Variants in MSI2 observed in about 807,000 individuals in gnomAD.
MSI2 encodes the protein musashi RNA binding protein 2, also known as RNA-binding protein Musashi homolog 2.
Under a neutral mutation model 45.6 loss-of-function variants are expected in MSI2, and 17 were observed. The observed-to-expected ratio is 0.37, with a 90% CI of 0.26 to 0.56. The LOEUF is 0.56. MSI2 is among the 20% of genes least tolerant of loss of function. The pLI, the probability that MSI2 is intolerant of heterozygous loss-of-function variation, is 0.77. For missense variants in MSI2, 293 were observed against 444.2 expected (o/e 0.66, Z 3.06); for synonymous variants, 156 against 158.2 (o/e 0.99, Z 0.11).
At chr17:57,509,508 C>T (rs897257854) in intron 6 of MSI2, among the ~76,000 whole-genome samples, 1 of 152,272 alleles carries the variant, frequency 6.6e-6, no homozygotes. Context: ...GCAACCTCCG[C>T]CTCCCGGGTT....
chr17:57,290,485 A>T (rs925597888), intron 5 of MSI2, among the ~76,000 whole-genome samples: 3 of 152,124 alleles, frequency 2.0e-5, no homozygotes, highest in Non-Finnish European at 2.9e-5. Context: ...ATTTTTAAAA[A>T]TTTTTTGTAG....
rs557095571 is a variant in MSI2, at chr17:57,301,688, C to T, written c.312+39496C>T. ...GTAGCGTGTTCATTGAATGAATGGG[C>T]CACCCCTTGTCTTTTCTTCTTTTAA... On this transcript the variant is annotated intron_variant, in intron 5 of 13. Coordinates refer to ENST00000284073, the MANE Select transcript of MSI2 (RefSeq NM_138962.4). Among the ~76,000 whole-genome samples the T allele has an allele frequency of 6.6e-5, 10 of 152,072 alleles. No individual in the cohort carries two copies. In the East Asian group the frequency reaches 1.9e-3, roughly 29 times the overall value.
intron 6 of MSI2, among the ~76,000 whole-genome samples, chr17:57,432,427 TG>T (rs1308124435): frequency 6.6e-6 from 1 of 152,208 alleles, no homozygotes; most frequent in Non-Finnish European, 1.5e-5. Flanking sequence ...GCATTGGGGT[TG>T]GGTTTTTAGG....
intron 5 of MSI2, among the ~76,000 whole-genome samples, chr17:57,377,218 C>T (rs904319269): frequency 6.6e-6 from 1 of 152,198 alleles, no homozygotes; most frequent in Non-Finnish European, 1.5e-5. Flanking sequence ...CCGTGCCCGG[C>T]CCACAAATAC....
At chr17:57,499,284 G>A (rs2086047412) in intron 6 of MSI2, among the ~76,000 whole-genome samples, 1 of 151,146 alleles carries the variant, frequency 6.6e-6, no homozygotes, top group Middle Eastern at 3.4e-3. Flanking sequence ...GCTGAGGCAG[G>A]AGAATTGCTT....
intron 5 of MSI2, among the ~76,000 whole-genome samples, chr17:57,285,391 A>G (rs1175522213): frequency 6.6e-6 from 1 of 152,236 alleles, no homozygotes; most frequent in African/African-American, 2.4e-5. Context: ...GGAAGTTTGC[A>G]GAGGGCCCTT....
chr17:57,487,927 G>T (rs148150854), intron 6 of MSI2, among the ~76,000 whole-genome samples: 1 of 151,680 alleles, frequency 6.6e-6, no homozygotes, highest in Non-Finnish European at 1.5e-5. Context: ...CACACAGCCC[G>T]GTGCTTTATG....
intron 5 of MSI2, among the ~76,000 whole-genome samples, chr17:57,365,624 C>G (rs1357374313): frequency 6.6e-6 from 1 of 152,044 alleles, no homozygotes; most frequent in Non-Finnish European, 1.5e-5. Context: ...ATGGGAGGAG[C>G]CTTCTTGGCA....
intron 5 of MSI2, among the ~76,000 whole-genome samples, chr17:57,344,489 CT>C (rs1302079887): frequency 5.9e-5 from 9 of 152,314 alleles, no homozygotes; most frequent in Non-Finnish European, 1.3e-4. Context: ...TGCTCCAGAC[CT>C]GGAGTTACTC....
rs375314454 is a variant in MSI2 at position 57,288,629 on chromosome 17, T to C, written c.312+26437T>C. Reference sequence around the variant, plus strand: ...TCAGCTGAGGGTGGATCCCAGTGTCTAGATGATAGATGGTGCAGTTTGGTT... The same window carrying C: ...TCAGCTGAGGGTGGATCCCAGTGTCCAGATGATAGATGGTGCAGTTTGGTT... On this transcript the variant is annotated intron_variant, in intron 5 of 13. Transcript: ENST00000284073. 1.2e-4 allele frequency among the ~76,000 whole-genome samples: 18 copies of C among 152,270 alleles called. No homozygotes were observed. The South Asian group carries it at 3.5e-3, about 30-fold the overall frequency.
At chr17:57,372,534 A>G (rs1443213412) in intron 5 of MSI2, among the ~76,000 whole-genome samples, 1 of 152,240 alleles carries the variant, frequency 6.6e-6, no homozygotes, top group Non-Finnish European at 1.5e-5. Context: ...TAGTCAACAT[A>G]TTGATATGTT....
At chr17:57,366,228 C>T (rs993936914) in intron 5 of MSI2, among the ~76,000 whole-genome samples, 1 of 152,092 alleles carries the variant, frequency 6.6e-6, no homozygotes, top group Non-Finnish European at 1.5e-5. Context: ...TATTATTATC[C>T]CAACTTTTCA....
intron 6 of MSI2, among the ~76,000 whole-genome samples, chr17:57,487,009 C>A (rs2143782703): frequency 6.6e-6 from 1 of 152,238 alleles, no homozygotes; most frequent in South Asian, 2.1e-4. Context: ...AAAAACCCAG[C>A]CAAGTAGGGA....
chr17:57,595,570 G>A (rs559945136), intron 7 of MSI2, among the ~76,000 whole-genome samples: 29 of 152,126 alleles, frequency 1.9e-4, no homozygotes, highest in African/African-American at 5.8e-4. Flanking sequence ...TTGCATCCTC[G>A]CATGGTAGAG....
intron 6 of MSI2, among the ~76,000 whole-genome samples, chr17:57,491,321 A>G (rs2085867645): frequency 1.3e-5 from 2 of 152,224 alleles, no homozygotes; most frequent in South Asian, 4.1e-4. Context: ...AGGAACTCTG[A>G]GATTCTAGGG....
chr17:57,433,714 C>A (rs2084640928), intron 6 of MSI2, among the ~76,000 whole-genome samples: 1 of 152,158 alleles, frequency 6.6e-6, no homozygotes, highest in African/African-American at 2.4e-5. Context: ...TAATGCGGAC[C>A]CTCGCTTTGT....
intron 6 of MSI2, among the ~76,000 whole-genome samples, chr17:57,493,276 A>G (rs2085912555): frequency 6.6e-6 from 1 of 152,172 alleles, no homozygotes; most frequent in African/African-American, 2.4e-5. Flanking sequence ...CATTGTCCGA[A>G]GAAAGGTAAA....
At chr17:57,359,101 C>A (rs792377) in intron 5 of MSI2, among the ~76,000 whole-genome samples, 90,680 of 151,750 alleles carry the variant, frequency 0.6, 27,846 homozygotes, top group East Asian at 0.75. Context: ...TCCTTTCTCC[C>A]GCCACTCCCG....
At chr17:57,281,033 G>A (rs754718013) in intron 5 of MSI2, among the ~76,000 whole-genome samples, 6 of 152,132 alleles carry the variant, frequency 3.9e-5, no homozygotes, top group South Asian at 4.1e-4. Context: ...CAGTCTTGTC[G>A]TGTGTGGCCT....
Sources: allele counts gnomAD v4.1 joint callset (sites outside exome capture counted in the v4.1 genomes callset), GRCh38; gene constraint gnomAD v4.1.1; transcripts MANE v1.5; gene names NCBI Gene and HGNC (gene_info 2026-07-23, HGNC 2026-07-21).